The following SMYD3 variants were observed in gnomAD, a reference collection of about 807,000 sequenced individuals.
SMYD3 encodes histone-lysine N-methyltransferase SMYD3.
In SMYD3, 36 loss-of-function variants were observed where a neutral mutation model predicts 57.7. That is an observed-to-expected ratio of 0.62 (90% CI 0.48 to 0.82). SMYD3 has a LOEUF of 0.82. SMYD3 is among the 40% of genes least tolerant of loss of function. The pLI is 0.00. For synonymous variants in SMYD3, 211 were observed against 195.0 expected (o/e 1.08, Z -0.68); for missense variants, 515 against 538.8 (o/e 0.96, Z 0.44).
intron 5 of SMYD3, among the ~76,000 whole-genome samples, chr1:245,935,121 C>G (rs1032296664): frequency 6.6e-6 from 1 of 152,140 alleles, no homozygotes; most frequent in Non-Finnish European, 1.5e-5. Context: ...AGAGACAACC[C>G]ACAGAGTGGG....
At position 246,396,604 on chromosome 1, in the gene SMYD3, G is replaced by C. The variant is rs908598094; in HGVS notation, c.165-41510C>G. Among the ~76,000 whole-genome samples the C allele has an allele frequency of 2.0e-5, 3 of 152,284 alleles. No individual in the cohort carries two copies. In the East Asian group the frequency reaches 5.8e-4, roughly 29 times the overall value. On this transcript the variant is annotated intron_variant, in intron 1 of 11. Transcript: ENST00000490107. ...ATACTCAATGATATGGTTTGGCTCT[G>C]TGTCCACACCCAAATTTCAAGCTGA... is the stretch of plus-strand genomic sequence containing the variant.
intron 10 of SMYD3, among the ~76,000 whole-genome samples, chr1:245,853,220 G>C (rs958769417): frequency 2.0e-5 from 3 of 152,154 alleles, no homozygotes; most frequent in African/African-American, 7.2e-5. Context: ...TTGTTCTCTA[G>C]GTCCTACTCC....
chr1:246,114,233 A>G (rs1264888432), intron 5 of SMYD3, among the ~76,000 whole-genome samples: 1 of 152,208 alleles, frequency 6.6e-6, no homozygotes, highest in Non-Finnish European at 1.5e-5. Context: ...TAACACCAAC[A>G]TCCAGTGGTT....
At chr1:245,761,687 C>G (rs940328281) in intron 11 of SMYD3, among the ~76,000 whole-genome samples, 2 of 152,020 alleles carry the variant, frequency 1.3e-5, no homozygotes, top group African/African-American at 4.8e-5. Context: ...TTTAACTGGA[C>G]CAGTCTAGAG....
intron 5 of SMYD3, among the ~76,000 whole-genome samples, chr1:245,950,189 C>G (rs1378705079): frequency 6.6e-6 from 1 of 152,032 alleles, no homozygotes. Flanking sequence ...GTAAAAGAAG[C>G]CTGACCTAAT....
chr1:246,069,481 A>G (rs1162827502), intron 5 of SMYD3, among the ~76,000 whole-genome samples: 5 of 152,188 alleles, frequency 3.3e-5, no homozygotes, highest in African/African-American at 4.8e-5. Context: ...GTGTATGTGC[A>G]TTTGTTTTTG....
intron 5 of SMYD3, among the ~76,000 whole-genome samples, chr1:246,125,348 T>C (rs10924511): frequency 0.084 from 12,825 of 152,164 alleles, 1,112 homozygotes; most frequent in African/African-American, 0.21. Flanking sequence ...TGGCTCTTTA[T>C]TGCCTGTTAT....
At chr1:245,910,520 G>A (rs1462397376) in intron 8 of SMYD3, among the ~76,000 whole-genome samples, 1 of 152,020 alleles carries the variant, frequency 6.6e-6, no homozygotes, top group East Asian at 1.9e-4. Flanking sequence ...TACCTGACTT[G>A]AAAATGCTCT....
At chr1:246,346,222 T>G (rs1293994403) in intron 2 of SMYD3, among the ~76,000 whole-genome samples, 1 of 152,024 alleles carries the variant, frequency 6.6e-6, no homozygotes, top group Non-Finnish European at 1.5e-5. Context: ...AGGCGGAGCT[T>G]GCAGTGAGCC....
At chr1:246,053,064 C>T (rs1474000972) in intron 5 of SMYD3, 1 of 152,170 alleles carries the variant, frequency 6.6e-6, no homozygotes, top group Non-Finnish European at 1.5e-5. Context: ...TGGCAAGACT[C>T]CATCTCTAAA....
chr1:246,392,212 T>G (rs1367066662), intron 1 of SMYD3, among the ~76,000 whole-genome samples: 1 of 152,154 alleles, frequency 6.6e-6, no homozygotes, highest in African/African-American at 2.4e-5. Flanking sequence ...AATGAACAAT[T>G]GAACACATGT....
At chr1:246,476,093 T>A (rs1468097776) in intron 1 of SMYD3, among the ~76,000 whole-genome samples, 1 of 152,216 alleles carries the variant, frequency 6.6e-6, no homozygotes, top group Non-Finnish European at 1.5e-5. Context: ...AATTGTAATG[T>A]TCATTCTAAT....
At chr1:246,160,832 T>C (rs923436770) in intron 5 of SMYD3, among the ~76,000 whole-genome samples, 14 of 152,128 alleles carry the variant, frequency 9.2e-5, no homozygotes, top group Non-Finnish European at 1.6e-4. Context: ...TCAGATCACA[T>C]CCAGGATAAA....
chr1:246,456,421 C>A (rs542264263), intron 1 of SMYD3, among the ~76,000 whole-genome samples: 23 of 152,310 alleles, frequency 1.5e-4, no homozygotes, highest in Admixed American at 7.8e-4. Flanking sequence ...TTTTCTAGAT[C>A]CATCACTCCA....
intron 1 of SMYD3, among the ~76,000 whole-genome samples, chr1:246,422,100 G>A (rs963149665): frequency 4.6e-5 from 7 of 152,058 alleles, no homozygotes; most frequent in East Asian, 1.9e-4. Flanking sequence ...ATGGAATACC[G>A]GAGACAGAAT....
chr1:246,128,600 T>C (rs375287627), intron 5 of SMYD3, among the ~76,000 whole-genome samples: 44 of 152,084 alleles, frequency 2.9e-4, no homozygotes, highest in Admixed American at 5.9e-4. Context: ...TTAGAGAGAG[T>C]ACAACAGCTG....
At position 246,440,793 on chromosome 1, in the gene SMYD3, T is replaced by C. The variant is rs538890919; in HGVS notation, c.164+66261A>G. Among the ~76,000 whole-genome samples, 18 of 152,318 alleles carry C rather than the reference T, an allele frequency of 1.2e-4. 2 individuals are homozygous for C. Among genetic ancestry groups the C allele is most frequent in the African/African-American group, 4.1e-4 (17 of 41,564 alleles). ...GAAAGATACAAGTTCACAAAATCCC[T>C]TTCCTAATGACCAAGCTCCATGGAT... On this transcript the variant is annotated intron_variant, in intron 1 of 11. Coordinates refer to ENST00000490107, the MANE Select transcript of SMYD3 (RefSeq NM_001167740.2).
At chr1:246,407,420 G>A (rs1390680898) in intron 1 of SMYD3, among the ~76,000 whole-genome samples, 2 of 152,168 alleles carry the variant, frequency 1.3e-5, no homozygotes, top group Non-Finnish European at 2.9e-5. Flanking sequence ...AATTAGAGCC[G>A]CACATTCACA....
intron 10 of SMYD3, among the ~76,000 whole-genome samples, chr1:245,787,627 TA>T (rs35007742): frequency 0.18 from 26,634 of 145,938 alleles, 2,535 homozygotes; most frequent in East Asian, 0.46. Context: ...ATCAGGGTGT[TA>T]AAAAAAAAAA....
Sources: allele counts gnomAD v4.1 joint callset (sites outside exome capture counted in the v4.1 genomes callset), GRCh38; gene constraint gnomAD v4.1.1; transcripts MANE v1.5; gene names NCBI Gene and HGNC (gene_info 2026-07-23, HGNC 2026-07-21).